Variants in MAPK10 observed in about 807,000 individuals in gnomAD.
MAPK10 encodes JNK3 alpha protein kinase.
In MAPK10, 25 loss-of-function variants were observed where a neutral mutation model predicts 59.3. The ratio of observed to expected loss-of-function variants is 0.42; its 90% CI spans 0.31 to 0.59. The LOEUF (loss-of-function observed/expected upper bound fraction) is 0.59. Among genes scored for constraint, MAPK10 ranks in the 20% least tolerant of loss-of-function variants. The probability of loss-of-function intolerance (pLI) is 0.15; values close to 1 mark genes in which losing one functional copy is unlikely to be tolerated. For synonymous variants in MAPK10, 190 were observed against 200.5 expected, an observed-to-expected ratio of 0.95 and a Z score of 0.44; for missense variants, 351 against 568.9, an observed-to-expected ratio of 0.62 and a Z score of 3.90.
At chr4:86,513,248 A>G (rs536589178) in intron 1 of MAPK10, among the ~76,000 whole-genome samples, 187 of 152,160 alleles carry the variant, frequency 1.2e-3, no homozygotes, top group African/African-American at 4.0e-3. Context: ...GGATCTCACT[A>G]TATTGCCCAG....
chr4:86,378,528 T>C (rs1740171542), intron 1 of MAPK10, among the ~76,000 whole-genome samples: 1 of 152,180 alleles, frequency 6.6e-6, no homozygotes, highest in African/African-American at 2.4e-5. Context: ...ATTTTCTGTC[T>C]CCCCCTCTAA....
intron 1 of MAPK10, among the ~76,000 whole-genome samples, chr4:86,541,920 A>G (rs1758720987): frequency 1.3e-5 from 2 of 148,962 alleles, no homozygotes; most frequent in Non-Finnish European, 1.5e-5. Context: ...TATAATCCCA[A>G]TTTTGTAAAT....
At position 86,101,950 on chromosome 4, in the gene MAPK10, G is replaced by C. The variant is rs749238337; in HGVS notation, c.508C>G (p.Leu170Val). 3 of 1,613,970 alleles carry C rather than the reference G, an allele frequency of 1.9e-6. No homozygotes were observed. The highest frequency in any genetic ancestry group is 2.5e-6 in the Non-Finnish European group (3 of 1,179,884). ...ELDHERMSYL[L>V]YQMLCGIKHL... ...TTAATGCCACACAACATTTGGTACA[G>C]CAGGTAAGACATTCGCTCATGGTCT... Residue 170 changes from leucine to valine, a missense_variant, in exon 7 of 14, where the codon CTG becomes GTG. By Grantham distance (32) the Leu-to-Val change is conservative (BLOSUM62 1). Coordinates refer to ENST00000641462, the MANE Select transcript of MAPK10 (RefSeq NM_138982.4).
chr4:86,239,126 T>A (rs1471678930), intron 2 of MAPK10, among the ~76,000 whole-genome samples: 14 of 152,356 alleles, frequency 9.2e-5, no homozygotes, highest in South Asian at 2.1e-4. Flanking sequence ...TGTCTTTGGT[T>A]CTGTTTATGT....
At chr4:86,446,880 T>C (rs1367221873) in intron 1 of MAPK10, among the ~76,000 whole-genome samples, 2 of 152,190 alleles carry the variant, frequency 1.3e-5, no homozygotes, top group Non-Finnish European at 2.9e-5. Flanking sequence ...TCTTTATTTT[T>C]CCCATGTGTT....
chr4:86,303,074 A>G (rs1020077605), intron 2 of MAPK10, among the ~76,000 whole-genome samples: 2 of 152,190 alleles, frequency 1.3e-5, no homozygotes, highest in East Asian at 3.9e-4. Flanking sequence ...ACAAATGCAC[A>G]AAGTATGACA....
At chr4:86,303,556 C>T (rs2095507304) in intron 2 of MAPK10, among the ~76,000 whole-genome samples, 1 of 152,076 alleles carries the variant, frequency 6.6e-6, no homozygotes, top group African/African-American at 2.4e-5. Context: ...ACTAAAAGTA[C>T]AATGGGAACA....
intron 1 of MAPK10, among the ~76,000 whole-genome samples, chr4:86,548,576 C>T (rs748577267): frequency 3.9e-5 from 6 of 152,158 alleles, no homozygotes; most frequent in Non-Finnish European, 5.9e-5. Context: ...GGTTTATCAC[C>T]ATCCTCCTAG....
intron 1 of MAPK10, among the ~76,000 whole-genome samples, chr4:86,528,870 C>G (rs968944475): frequency 2.6e-5 from 4 of 152,200 alleles, no homozygotes; most frequent in Non-Finnish European, 4.4e-5. Context: ...CATTTAAACA[C>G]TTCGATTTTA....
Position 86,014,341 on chromosome 4 carries a change from TG to T in MAPK10, c.*2886del, listed in dbSNP as rs1400082740. The stretch of plus-strand genomic sequence containing the variant: ...GTGTGTGTGTGTGTGTGTGTGTGTG[TG>T]TGTTAAGACAGACAAGTGAATGCAG... On this transcript the variant is annotated 3_prime_UTR_variant, in exon 14 of 14. Transcript: ENST00000641462. 4.1e-3 allele frequency: 564 copies of T among 139,242 alleles called. 3 individuals are homozygous for T. Among genetic ancestry groups the T allele is most frequent in the Non-Finnish European group, 4.1e-3 (266 of 65,254 alleles). 8.6% of individuals were successfully genotyped at this position (139,242 alleles called of 1,614,324 possible).
intron 1 of MAPK10, among the ~76,000 whole-genome samples, chr4:86,557,932 T>A (rs1292066894): frequency 2.0e-5 from 3 of 152,112 alleles, no homozygotes; most frequent in African/African-American, 7.2e-5. Context: ...GTTAATAATA[T>A]CTTTATTCTA....
chr4:86,546,727 G>A (rs1206573034), intron 1 of MAPK10, among the ~76,000 whole-genome samples: 1 of 152,120 alleles, frequency 6.6e-6, no homozygotes, highest in African/African-American at 2.4e-5. Flanking sequence ...GCAGTGCTTG[G>A]AGGGGAAAAT....
intron 1 of MAPK10, among the ~76,000 whole-genome samples, chr4:86,477,480 A>C (rs1394349220): frequency 1.3e-5 from 2 of 151,962 alleles, no homozygotes; most frequent in African/African-American, 2.4e-5. Flanking sequence ...CTTAACCCAC[A>C]AGTATAAGAT....
At chr4:86,180,914 TA>T (rs1286376823) in intron 3 of MAPK10, among the ~76,000 whole-genome samples, 4 of 151,984 alleles carry the variant, frequency 2.6e-5, no homozygotes, top group Non-Finnish European at 4.4e-5. Flanking sequence ...ACAGGAAGAA[TA>T]AAATACGGTG....
At chr4:86,472,731 G>A (rs2149066674) in intron 1 of MAPK10, among the ~76,000 whole-genome samples, 1 of 152,290 alleles carries the variant, frequency 6.6e-6, no homozygotes, top group South Asian at 2.1e-4. Flanking sequence ...ACTGTATAGG[G>A]GTGAGGCAGG....
At chr4:86,235,282 T>C (rs1418373081) in intron 2 of MAPK10, among the ~76,000 whole-genome samples, 3 of 152,206 alleles carry the variant, frequency 2.0e-5, no homozygotes, top group African/African-American at 7.2e-5. Context: ...ATTCAGTTTT[T>C]AGTCAAAATT....
At chr4:86,200,625 T>C (rs946315363) in intron 2 of MAPK10, among the ~76,000 whole-genome samples, 1 of 151,904 alleles carries the variant, frequency 6.6e-6, no homozygotes, top group African/African-American at 2.4e-5. Context: ...ACGTGTCTTT[T>C]TGTATAAGTA....
In MAPK10 at chr4:86,304,749, T is replaced by C. The variant is rs568105370; in HGVS notation, c.-7+49781A>G. ...GTTTGTTTTCTAGACTGTAAAAACG[T>C]CTCCATTTTTAATATTTTTTTCACT... is the stretch of plus-strand genomic sequence containing the variant. On this transcript the variant is annotated intron_variant, in intron 2 of 13. Coordinates refer to ENST00000641462, the MANE Select transcript of MAPK10 (RefSeq NM_138982.4). Among the ~76,000 whole-genome samples, 10 of 152,294 alleles carry C rather than the reference T, an allele frequency of 6.6e-5. No homozygotes were observed. In the East Asian group the frequency reaches 1.9e-3, roughly 29 times the overall value.
chr4:86,158,991 C>T (rs949534207), intron 4 of MAPK10: 42 of 212,502 alleles, frequency 2.0e-4, no homozygotes, highest in Admixed American at 4.6e-4. Flanking sequence ...AAATAAAACT[C>T]TACAAATACA....
Sources: allele counts gnomAD v4.1 joint callset (sites outside exome capture counted in the v4.1 genomes callset), GRCh38; gene constraint gnomAD v4.1.1; transcripts MANE v1.5; gene names NCBI Gene and HGNC (gene_info 2026-07-23, HGNC 2026-07-21).